Variants in NAV3 observed in about 807,000 individuals in gnomAD.
NAV3 encodes pore membrane and/or filament interacting like protein 1.
NAV3 carries 87 observed loss-of-function variants against 244.7 expected under a neutral mutation model. The observed-to-expected ratio is 0.36, with a 90% CI of 0.30 to 0.42. NAV3 has a LOEUF of 0.42. NAV3 is among the 20% of genes least tolerant of loss of function. The probability of loss-of-function intolerance (pLI) is 1.00; values close to 1 mark genes in which losing one functional copy is unlikely to be tolerated. For missense variants in NAV3, 2,663 were observed against 2,893.3 expected (o/e 0.92, Z 1.83); for synonymous variants, 1,126 against 1,042.2 (o/e 1.08, Z -1.55).
chr12:77,982,225 G>T (rs1341954752), intron 5 of NAV3, among the ~76,000 whole-genome samples: 4 of 61,732 alleles, frequency 6.5e-5, no homozygotes, highest in Non-Finnish European at 9.3e-5. Flanking sequence ...CTTAATGAAA[G>T]ATGATTTGTT....
At chr12:78,106,638 T>G (rs1954816894) in intron 12 of NAV3, among the ~76,000 whole-genome samples, 1 of 152,220 alleles carries the variant, frequency 6.6e-6, no homozygotes, top group South Asian at 2.1e-4. Flanking sequence ...AGTAGGTTAC[T>G]TCACTACTGC....
chr12:78,111,747 T>G (rs1955103841), intron 12 of NAV3, among the ~76,000 whole-genome samples: 2 of 152,058 alleles, frequency 1.3e-5, no homozygotes, highest in African/African-American at 4.8e-5. Context: ...TTCCAGTCTG[T>G]GGGTTGTCTT....
At chr12:78,038,812 C>G (rs1303316254) in intron 9 of NAV3, among the ~76,000 whole-genome samples, 2 of 152,138 alleles carry the variant, frequency 1.3e-5, no homozygotes, top group African/African-American at 2.4e-5. Flanking sequence ...TATTATTTAT[C>G]TTGTTCTCAG....
At chr12:77,649,686 A>T (rs1051767038) in intron 2 of NAV3, among the ~76,000 whole-genome samples, 11 of 152,172 alleles carry the variant, frequency 7.2e-5, no homozygotes, top group African/African-American at 2.4e-4. Flanking sequence ...GTAATAATAG[A>T]CTAAATTTGA....
In NAV3 at chr12:77,939,966, T is replaced by A. The variant is rs111708444; in HGVS notation, c.244-353T>A. Among the ~76,000 whole-genome samples, 701 of 152,280 alleles carry A rather than the reference T, an allele frequency of 4.6e-3. 12 individuals are homozygous for A. Among genetic ancestry groups the A allele is most frequent in the African/African-American group, 0.016 (646 of 41,570 alleles). On this transcript the variant is annotated intron_variant, in intron 1 of 39. Coordinates refer to ENST00000397909, the MANE Select transcript of NAV3 (RefSeq NM_001024383.2). Reference sequence around the variant, plus strand: ...TAAATCAGTCCAGGTGGGTTTCTTTTACATGAACAAGCAAGATTGTTTTCA... The same window carrying A: ...TAAATCAGTCCAGGTGGGTTTCTTTAACATGAACAAGCAAGATTGTTTTCA...
intron 2 of NAV3, among the ~76,000 whole-genome samples, chr12:77,657,721 A>C (rs1361561499): frequency 6.6e-6 from 1 of 152,234 alleles, no homozygotes; most frequent in Non-Finnish European, 1.5e-5. Context: ...AAATACTGGC[A>C]AACTGAATCC....
Position 78,198,664 on chromosome 12 carries a change from A to T in NAV3, c.6506A>T (p.His2169Leu). 1 of 1,567,740 alleles carries T rather than the reference A, an allele frequency of 6.4e-7. No individual in the cohort carries two copies. Among genetic ancestry groups the T allele is most frequent in the South Asian group, 1.1e-5 (1 of 87,838 alleles). ...TCTTCATCACCAAATCTAGAGCTGC[A>T]TCACAATTTCAGGTAAAGTTAAGTT... Reference protein sequence around the residue: ...GVSSSPNLELHHNFRWVLCAN... With the variant: ...GVSSSPNLELLHNFRWVLCAN... Residue 2169 changes from histidine (H) to leucine (L), a missense_variant, in exon 36 of 40, where the codon CAT becomes CTT. Physicochemically the swap from His to Leu is moderately conservative, Grantham distance 99 (BLOSUM62 -3). This residue lies in a region of NAV3 where 543 missense variants were observed against 672.4 expected (regional missense o/e 0.81). Transcript: ENST00000397909.
intron 1 of NAV3, among the ~76,000 whole-genome samples, chr12:77,913,489 G>C (rs1886820022): frequency 6.6e-6 from 1 of 151,992 alleles, no homozygotes; most frequent in Non-Finnish European, 1.5e-5. Context: ...CTGGAGTGCA[G>C]TGGCGCAATC....
At chr12:78,141,296 A>C (rs1036607331) in intron 20 of NAV3, among the ~76,000 whole-genome samples, 10 of 152,202 alleles carry the variant, frequency 6.6e-5, no homozygotes, top group African/African-American at 2.2e-4. Context: ...TGTTTGGTAA[A>C]TACAATTCTA....
chr12:77,803,348 A>C (rs1266882431), intron 2 of NAV3, among the ~76,000 whole-genome samples: 1 of 151,788 alleles, frequency 6.6e-6, no homozygotes, highest in East Asian at 1.9e-4. Flanking sequence ...TCATTGTTCA[A>C]CTCCCATGTA....
intron 2 of NAV3, among the ~76,000 whole-genome samples, chr12:77,731,138 G>A (rs1201414206): frequency 6.6e-6 from 1 of 151,984 alleles, no homozygotes; most frequent in Non-Finnish European, 1.5e-5. Flanking sequence ...AGAAATTGGA[G>A]GATTCAGTGC....
At chr12:78,049,929 G>A in intron 9 of NAV3, 64 bp from the exon 10 acceptor site, 2 of 1,023,068 alleles carry the variant, frequency 2.0e-6, no homozygotes, top group East Asian at 2.5e-5. Flanking sequence ...AATTATCTAG[G>A]TATACAATTA....
chr12:78,010,549 C>T (rs143475604), intron 8 of NAV3, among the ~76,000 whole-genome samples: 26 of 152,204 alleles, frequency 1.7e-4, no homozygotes, highest in African/African-American at 6.3e-4. Context: ...TAGTAATAAT[C>T]TCTTCAGATC....
chr12:77,896,510 A>G (rs1002893342), intron 1 of NAV3, among the ~76,000 whole-genome samples: 4 of 152,236 alleles, frequency 2.6e-5, no homozygotes, highest in African/African-American at 9.6e-5. Flanking sequence ...ATTGATGTGG[A>G]AAAAAGTATA....
At chr12:77,872,881 C>T (rs1412828987) in intron 1 of NAV3, among the ~76,000 whole-genome samples, 1 of 152,064 alleles carries the variant, frequency 6.6e-6, no homozygotes, top group Non-Finnish European at 1.5e-5. Context: ...AAAGTTTTTA[C>T]AAACCTTTAT....
chr12:77,759,239 TTTA>T (rs1869345492), intron 2 of NAV3, among the ~76,000 whole-genome samples: 1 of 152,250 alleles, frequency 6.6e-6, no homozygotes, highest in African/African-American at 2.4e-5. Flanking sequence ...ATAACTGTTA[TTTA>T]TTGAGAGTCA....
At chr12:77,660,834 A>G (rs1201143780) in intron 2 of NAV3, among the ~76,000 whole-genome samples, 1 of 152,196 alleles carries the variant, frequency 6.6e-6, no homozygotes, top group Admixed American at 6.5e-5. Flanking sequence ...TTGTAAAATG[A>G]AATCATACAA....
intron 2 of NAV3, among the ~76,000 whole-genome samples, chr12:77,637,870 C>T (rs1316943283): frequency 6.6e-6 from 1 of 152,162 alleles, no homozygotes; most frequent in East Asian, 1.9e-4. Context: ...GTAAATGGTA[C>T]TGTGATATGG....
rs573008345 is a variant in NAV3, at chr12:78,077,874, GT to G, written c.2636+18761del. Among the ~76,000 whole-genome samples, 23 of 152,306 alleles carry G rather than the reference GT, an allele frequency of 1.5e-4. No homozygotes were observed. The South Asian group carries it at 4.8e-3, about 32-fold the overall frequency. On this transcript the variant is annotated intron_variant, in intron 12 of 39. Coordinates refer to ENST00000397909, the MANE Select transcript of NAV3 (RefSeq NM_001024383.2). ...AATCGCTTGAACCTGGGAGGCGGAG[GT>G]TGCAGTGAGCCAAGATCACGCCTTT...
Sources: gnomAD v4.1 joint callset for allele counts (sites outside exome capture counted in the v4.1 genomes callset) on GRCh38, gnomAD v4.1.1 for gene constraint, gnomAD v4.1.1 regional missense constraint, MANE v1.5 for transcripts, NCBI Gene and HGNC (gene_info 2026-07-23, HGNC 2026-07-21) for gene names.